Variants in ITFG1 observed in about 807,000 individuals in gnomAD.
The protein encoded by ITFG1 is T-cell immunomodulatory protein.
A neutral mutation model predicts 81.8 loss-of-function variants in ITFG1; 34 were observed. The observed-to-expected ratio is 0.42, with a 90% confidence interval of 0.32 to 0.55. The LOEUF (loss-of-function observed/expected upper bound fraction) is 0.55. Ranked by LOEUF, ITFG1 falls within the 20% of genes least tolerant of loss-of-function variation. ITFG1 has a pLI of 0.17. For missense variants in ITFG1, 672 were observed against 755.4 expected, an observed-to-expected ratio of 0.89 and a Z score of 1.29; for synonymous variants, 285 against 270.6, an observed-to-expected ratio of 1.05 and a Z score of -0.52.
chr16:47,193,641 T>A (rs1013265842), intron 14 of ITFG1, among the ~76,000 whole-genome samples: 1 of 152,132 alleles, frequency 6.6e-6, no homozygotes, highest in Admixed American at 6.5e-5. Flanking sequence ...CTGCAGTCAG[T>A]TATAATCACA....
intron 8 of ITFG1, among the ~76,000 whole-genome samples, chr16:47,315,463 A>G (rs2151566232): frequency 6.6e-6 from 1 of 152,296 alleles, no homozygotes; most frequent in East Asian, 1.9e-4. Flanking sequence ...GAAGAGCATT[A>G]CCACGGCTTT....
chr16:47,248,435 T>TA (rs1006239739), intron 12 of ITFG1, among the ~76,000 whole-genome samples: 7 of 151,584 alleles, frequency 4.6e-5, no homozygotes, highest in South Asian at 2.1e-4. Context: ...ACCTTACCAA[T>TA]AAAAAAAAGA....
intron 6 of ITFG1, among the ~76,000 whole-genome samples, chr16:47,387,161 A>T (rs974211031): frequency 1.3e-5 from 2 of 152,224 alleles, no homozygotes; most frequent in African/African-American, 2.4e-5. Flanking sequence ...AGAAGGAGAC[A>T]AAGAGAGCCC....
intron 13 of ITFG1, among the ~76,000 whole-genome samples, chr16:47,236,474 C>CAAAAA (rs68028486): frequency 1.9e-5 from 1 of 52,294 alleles, no homozygotes. Flanking sequence ...GACTCCATCT[C>CAAAAA]AAAAAAAAAA....
chr16:47,333,552 T>C lies in ITFG1; in HGVS notation c.803-19729A>G, dbSNP rs565603448. 4.6e-5 allele frequency among the ~76,000 whole-genome samples: 7 copies of C among 152,352 alleles called. No homozygotes were observed. In the South Asian group the frequency reaches 1.4e-3, roughly 32 times the overall value. On this transcript the variant is annotated intron_variant, in intron 8 of 17. Transcript: ENST00000320640. ...AGAAATAAGAAAAGCAAACATTCGTTATAAAATTTTTCTTTTAATGAAGTA... is the reference window on the plus strand; with the variant it reads ...AGAAATAAGAAAAGCAAACATTCGTCATAAAATTTTTCTTTTAATGAAGTA...
chr16:47,328,961 G>A (rs939774521), intron 8 of ITFG1, among the ~76,000 whole-genome samples: 2 of 152,050 alleles, frequency 1.3e-5, no homozygotes, highest in African/African-American at 4.8e-5. Flanking sequence ...TAGTCTCTTC[G>A]TCAGTACGAT....
chr16:47,411,516 C>T (rs1968810782), intron 6 of ITFG1, among the ~76,000 whole-genome samples: 1 of 152,106 alleles, frequency 6.6e-6, no homozygotes, highest in Admixed American at 6.5e-5. Flanking sequence ...GGAAATAACG[C>T]CCTGCCCAGA....
At chr16:47,325,282 C>A (rs944087838) in intron 8 of ITFG1, among the ~76,000 whole-genome samples, 2 of 152,148 alleles carry the variant, frequency 1.3e-5, no homozygotes, top group African/African-American at 4.8e-5. Flanking sequence ...CCAATGAGAA[C>A]AAAGACACAA....
In ITFG1 at chr16:47,355,236, T is replaced by C. The variant is rs893025204; in HGVS notation, c.802+10552A>G. Among the ~76,000 whole-genome samples, 11 of 152,184 alleles carry C rather than the reference T, an allele frequency of 7.2e-5. No homozygotes were observed. The East Asian group carries it at 1.5e-3, about 21-fold the overall frequency. The stretch of plus-strand genomic sequence containing the variant: ...CGAAAAGGAATGTAGTCCTGTCATT[T>C]ACGACAACATGGATGAACCTGGAGG... On this transcript the variant is annotated intron_variant, in intron 8 of 17. Transcript: ENST00000320640.
chr16:47,363,583 C>A (rs1968137543), intron 8 of ITFG1, among the ~76,000 whole-genome samples: 1 of 152,110 alleles, frequency 6.6e-6, no homozygotes, highest in African/African-American at 2.4e-5. Context: ...AAAATAGTAT[C>A]AATTTTACAT....
At chr16:47,256,640 T>C (rs1966142752) in intron 12 of ITFG1, among the ~76,000 whole-genome samples, 1 of 152,226 alleles carries the variant, frequency 6.6e-6, no homozygotes, top group Non-Finnish European at 1.5e-5. Context: ...ATTAAAAGTA[T>C]AGAAATGATT....
intron 12 of ITFG1, among the ~76,000 whole-genome samples, chr16:47,253,939 G>C (rs1465616540): frequency 6.6e-6 from 1 of 152,006 alleles, no homozygotes; most frequent in African/African-American, 2.4e-5. Flanking sequence ...ATAAAAACTA[G>C]AGTAATTTTA....
chr16:47,184,856 C>A (rs1965189172), intron 14 of ITFG1, among the ~76,000 whole-genome samples: 1 of 151,994 alleles, frequency 6.6e-6, no homozygotes, highest in Admixed American at 6.6e-5. Context: ...GAGTCAAGAC[C>A]CATCAGTGTG....
intron 6 of ITFG1, among the ~76,000 whole-genome samples, chr16:47,416,907 T>C (rs1056856085): frequency 3.9e-5 from 6 of 152,196 alleles, no homozygotes; most frequent in Non-Finnish European, 7.3e-5. Context: ...TTTATAAAAA[T>C]TGGCCAAATT....
At chr16:47,247,857 C>T (rs555092990) in intron 12 of ITFG1, among the ~76,000 whole-genome samples, 1 of 152,080 alleles carries the variant, frequency 6.6e-6, no homozygotes, top group East Asian at 1.9e-4. Context: ...TGTAAGTTTG[C>T]TCACATGTGA....
At chr16:47,420,262 G>A (rs1968928123) in intron 6 of ITFG1, among the ~76,000 whole-genome samples, 1 of 152,016 alleles carries the variant, frequency 6.6e-6, no homozygotes, top group African/African-American at 2.4e-5. Flanking sequence ...CCTAACATCT[G>A]GTCTGTCCTG....
intron 10 of ITFG1, chr16:47,300,024 G>A (rs193246513): frequency 6.6e-6 from 1 of 152,360 alleles, no homozygotes; most frequent in African/African-American, 2.4e-5. Context: ...CCCTGGAGTA[G>A]TTCCTTCTCA....
rs181261187 is a variant in ITFG1, at chr16:47,257,497, C to A, written c.1330+1135G>T. Among the ~76,000 whole-genome samples, 101 of 152,048 alleles carry A rather than the reference C, an allele frequency of 6.6e-4. No homozygotes were observed. The East Asian group carries it at 0.018, about 28-fold the overall frequency. The stretch of plus-strand genomic sequence containing the variant: ...TACTAGCATGGGTGGGAACTGGTTA[C>A]AATGAAAAAATAAGTAACACAATGA... On this transcript the variant is annotated intron_variant, in intron 12 of 17. Coordinates refer to ENST00000320640, the MANE Select transcript of ITFG1 (RefSeq NM_030790.5).
chr16:47,227,192 G>GA (rs1392603328), intron 13 of ITFG1, among the ~76,000 whole-genome samples: 1 of 152,054 alleles, frequency 6.6e-6, no homozygotes, highest in Non-Finnish European at 1.5e-5. Flanking sequence ...ACCTCCATAT[G>GA]AATGTTTACT....
Sources: gnomAD v4.1 joint callset for allele counts (sites outside exome capture counted in the v4.1 genomes callset) on GRCh38, gnomAD v4.1.1 for gene constraint, MANE v1.5 for transcripts, NCBI Gene and HGNC (gene_info 2026-07-23, HGNC 2026-07-21) for gene names.